B4GALT1: variants seen among roughly 807,000 people sequenced by gnomAD.
The protein encoded by B4GALT1 is beta-1,4-galactosyltransferase 1.
B4GALT1 carries 16 observed loss-of-function variants against 34.9 expected under a neutral mutation model. The ratio of observed to expected loss-of-function variants is 0.46; its 90% CI spans 0.31 to 0.70. B4GALT1 has a LOEUF of 0.70. Ranked by LOEUF, B4GALT1 falls within the 30% of genes least tolerant of loss-of-function variation. B4GALT1 has a pLI of 0.05. For missense variants in B4GALT1, 445 were observed against 530.5 expected (o/e 0.84, Z 1.58); for synonymous variants, 221 against 218.1 (o/e 1.01, Z -0.12).
intron 1 of B4GALT1, among the ~76,000 whole-genome samples, chr9:33,150,565 G>C (rs1840502047): frequency 6.6e-6 from 1 of 152,168 alleles, no homozygotes; most frequent in Non-Finnish European, 1.5e-5. Context: ...GAATAGATCA[G>C]TGGTTGCCTG....
At chr9:33,144,570 TG>T (rs1203648309) in intron 1 of B4GALT1, among the ~76,000 whole-genome samples, 2 of 152,334 alleles carry the variant, frequency 1.3e-5, no homozygotes, top group East Asian at 3.9e-4. Flanking sequence ...AAATTTATAT[TG>T]GTCCTTTTTA....
At chr9:33,127,977 C>G (rs1840137213) in intron 2 of B4GALT1, among the ~76,000 whole-genome samples, 1 of 152,178 alleles carries the variant, frequency 6.6e-6, no homozygotes, top group South Asian at 2.1e-4. Context: ...ATTTACATAG[C>G]CTCCCCCTGA....
At chr9:33,125,042 C>A (rs1256922196) in intron 2 of B4GALT1, among the ~76,000 whole-genome samples, 1 of 152,170 alleles carries the variant, frequency 6.6e-6, no homozygotes, top group Non-Finnish European at 1.5e-5. Flanking sequence ...TTACAGTTAT[C>A]CCTTCCTTCT....
chr9:33,162,292 G>T (rs1840686134), intron 1 of B4GALT1, among the ~76,000 whole-genome samples: 2 of 152,092 alleles, frequency 1.3e-5, no homozygotes, highest in Non-Finnish European at 2.9e-5. Context: ...AATGAAGGAG[G>T]GAGGGGAGTG....
chr9:33,142,545 C>G (rs1295897517), intron 1 of B4GALT1, among the ~76,000 whole-genome samples: 1 of 152,124 alleles, frequency 6.6e-6, no homozygotes, highest in Non-Finnish European at 1.5e-5. Flanking sequence ...TTCAACACCC[C>G]CAACACCCAC....
chr9:33,154,859 G>A (rs939037988), intron 1 of B4GALT1, among the ~76,000 whole-genome samples: 4 of 151,794 alleles, frequency 2.6e-5, no homozygotes, highest in Non-Finnish European at 4.4e-5. Flanking sequence ...TAACCTCATC[G>A]GCTATAATTA....
At chr9:33,174,621 C>A in the B4GALT1 span, among the ~76,000 whole-genome samples, 1 of 149,322 alleles carries the variant, frequency 6.7e-6, no homozygotes. Context: ...TGCCCTCCAG[C>A]CTGGGTGACA....
intron 2 of B4GALT1, among the ~76,000 whole-genome samples, chr9:33,126,081 C>T (rs1198491629): frequency 2.6e-5 from 4 of 152,218 alleles, no homozygotes; most frequent in Non-Finnish European, 5.9e-5. Flanking sequence ...CACCCCTCCC[C>T]ACCATGCAAG....
At position 33,113,250 on chromosome 9, in the gene B4GALT1, A is replaced by G; in HGVS notation, c.*204T>C. ...ACCCGCAAAGGCATAAACACCTTGC[A>G]GAGCTAAGAATTCACATGCCGAGCC... On this transcript the variant is annotated 3_prime_UTR_variant, in exon 6 of 6. Transcript: ENST00000379731. 1 of 685,876 alleles carries G rather than the reference A, an allele frequency of 1.5e-6. No homozygotes were observed. The highest frequency in any genetic ancestry group is 2.5e-6 in the Non-Finnish European group (1 of 392,618). 42.5% of individuals were successfully genotyped at this position (685,876 alleles called of 1,614,324 possible). A position where few individuals can be genotyped will look rare whatever the true frequency, so the allele number is the denominator to read the frequency against.
chr9:33,115,983 A>G lies in B4GALT1; in HGVS notation c.959+8T>C, dbSNP rs1366944302. 1 of 1,609,258 alleles carries G rather than the reference A, an allele frequency of 6.2e-7. No individual in the cohort carries two copies. Among genetic ancestry groups the G allele is most frequent in the Non-Finnish European group, 8.5e-7 (1 of 1,176,716 alleles). On this transcript the variant is annotated splice_region_variant and intron_variant, in intron 4 of 5. Transcript: ENST00000379731. ...AGAGGAGAAAGATATCTAAGTTATGACCATTACCTGTTAAAAATGTCATCA... is the reference window on the plus strand; with the variant it reads ...AGAGGAGAAAGATATCTAAGTTATGGCCATTACCTGTTAAAAATGTCATCA...
downstream of B4GALT1, among the ~76,000 whole-genome samples, chr9:33,107,905 AG>A (rs1839811203): frequency 6.6e-6 from 1 of 152,158 alleles, no homozygotes. Flanking sequence ...TCTCCAGAAT[AG>A]CAGCAGTCAC....
rs576601339 is a variant in B4GALT1 at position 33,149,269 on chromosome 9, A to T, written c.413-13845T>A. On this transcript the variant is annotated intron_variant, in intron 1 of 5. Coordinates refer to ENST00000379731, the MANE Select transcript of B4GALT1 (RefSeq NM_001497.4). Reference sequence around the variant, plus strand: ...GTATATGCCCATAAGATACTTAAAAAATTTTTTTATTTATTTACTTTTTTT... The same window carrying T: ...GTATATGCCCATAAGATACTTAAAATATTTTTTTATTTATTTACTTTTTTT... 3.3e-4 allele frequency among the ~76,000 whole-genome samples: 50 copies of T among 151,464 alleles called. No homozygotes were observed. The South Asian group carries it at 5.6e-3, about 17-fold the overall frequency.
At chr9:33,162,688 G>A (rs544816601) in intron 1 of B4GALT1, among the ~76,000 whole-genome samples, 20 of 152,348 alleles carry the variant, frequency 1.3e-4, no homozygotes, top group African/African-American at 4.8e-4. Context: ...CTAAGAAGCT[G>A]CAGTTTAAGT....
chr9:33,150,206 AT>A (rs1467615137), intron 1 of B4GALT1, among the ~76,000 whole-genome samples: 1 of 150,500 alleles, frequency 6.6e-6, no homozygotes, highest in Non-Finnish European at 1.5e-5. Context: ...CTAAAATTAT[AT>A]TAATATCTAT....
chr9:33,178,374 TA>T, the B4GALT1 span, among the ~76,000 whole-genome samples: 1 of 152,160 alleles, frequency 6.6e-6, no homozygotes, highest in Non-Finnish European at 1.5e-5. Context: ...GTCACAGGAC[TA>T]ACCTAGATTC....
the B4GALT1 span, among the ~76,000 whole-genome samples, chr9:33,175,708 C>G: frequency 6.6e-6 from 1 of 152,126 alleles, no homozygotes; most frequent in Non-Finnish European, 1.5e-5. Context: ...GTATTCAGTA[C>G]AGTAACATGT....
intron 2 of B4GALT1, among the ~76,000 whole-genome samples, chr9:33,129,464 C>T (rs1341109509): frequency 1.3e-5 from 2 of 152,154 alleles, no homozygotes; most frequent in African/African-American, 4.8e-5. Context: ...GGCTTCACTT[C>T]CAAGAGGCAC....
the B4GALT1 span, among the ~76,000 whole-genome samples, chr9:33,178,572 T>C: frequency 6.6e-6 from 1 of 152,176 alleles, no homozygotes; most frequent in African/African-American, 2.4e-5. Context: ...CTCTCACCCC[T>C]TTATCCCAAC....
chr9:33,113,224 A>G lies in B4GALT1; in HGVS notation c.*230T>C. 1 of 604,440 alleles carries G rather than the reference A, an allele frequency of 1.7e-6. No homozygotes were observed. The highest frequency in any genetic ancestry group is 2.9e-6 in the Non-Finnish European group (1 of 340,226). 37.4% of individuals were successfully genotyped at this position (604,440 alleles called of 1,614,324 possible). ...GGGTGACACTGCGAACACATCAAGA[A>G]ACCCGCAAAGGCATAAACACCTTGC... is the stretch of plus-strand genomic sequence containing the variant. On this transcript the variant is annotated 3_prime_UTR_variant, in exon 6 of 6. Transcript: ENST00000379731.
Sources: gnomAD v4.1 joint callset for allele counts (sites outside exome capture counted in the v4.1 genomes callset) on GRCh38, gnomAD v4.1.1 for gene constraint, MANE v1.5 for transcripts, NCBI Gene and HGNC (gene_info 2026-07-23, HGNC 2026-07-21) for gene names.